Variants in ARID5B observed in about 807,000 individuals in gnomAD.
The protein encoded by ARID5B is AT-rich interactive domain-containing protein 5B.
Under a neutral mutation model 97.2 loss-of-function variants are expected in ARID5B, and 13 were observed. The observed-to-expected ratio is 0.13, with a 90% CI of 0.09 to 0.21. The LOEUF (loss-of-function observed/expected upper bound fraction) is 0.21, where lower values mean the gene tolerates loss of function less well. Ranked by LOEUF, ARID5B falls within the 10% of genes least tolerant of loss-of-function variation. The pLI, the probability that ARID5B is intolerant of heterozygous loss-of-function variation, is 1.00. For synonymous variants in ARID5B, 556 were observed against 570.3 expected (o/e 0.97, Z 0.36); for missense variants, 1,210 against 1,465.3 (o/e 0.83, Z 2.84).
chr10:61,939,431 C>A (rs1255981488), intron 2 of ARID5B, among the ~76,000 whole-genome samples: 1 of 152,128 alleles, frequency 6.6e-6, no homozygotes, highest in Non-Finnish European at 1.5e-5. Flanking sequence ...GCTTAACATT[C>A]AAATTTATGA....
At chr10:62,079,320 C>A (rs1840179370) in intron 8 of ARID5B, among the ~76,000 whole-genome samples, 1 of 152,148 alleles carries the variant, frequency 6.6e-6, no homozygotes, top group South Asian at 2.1e-4. Flanking sequence ...ATTGACTAGT[C>A]ACTTAATCGT....
At chr10:62,088,908 C>T (rs1262483609) in intron 9 of ARID5B, among the ~76,000 whole-genome samples, 2 of 152,182 alleles carry the variant, frequency 1.3e-5, no homozygotes, top group Non-Finnish European at 1.5e-5. Flanking sequence ...TAACATTTAA[C>T]ATACTAAGCA....
At chr10:61,917,313 G>A (rs1413420568) in intron 2 of ARID5B, among the ~76,000 whole-genome samples, 2 of 151,942 alleles carry the variant, frequency 1.3e-5, no homozygotes, top group Non-Finnish European at 2.9e-5. Context: ...GATTTTAGTT[G>A]ACCATTCTAT....
At position 61,940,200 on chromosome 10, in the gene ARID5B, T is replaced by A; in HGVS notation, c.294T>A (p.Val98=). The A allele has an allele frequency of 6.2e-7, 1 of 1,614,166 alleles. No homozygotes were observed. The highest frequency in any genetic ancestry group is 8.5e-7 in the Non-Finnish European group (1 of 1,179,982). Residue 98 remains valine (V), a synonymous_variant, in exon 3 of 10, where the codon GTT becomes GTA. Coordinates refer to ENST00000279873, the MANE Select transcript of ARID5B (RefSeq NM_032199.3). Reference sequence around the variant, plus strand: ...TCTTGTAGGATGAAGTCATTGCTGTTTCCGAAAAGGTGATTGTGAAGCTTG... The same window carrying A: ...TCTTGTAGGATGAAGTCATTGCTGTATCCGAAAAGGTGATTGTGAAGCTTG... ...SDHGEDEVIA[V]SEKVIVKLED... is the part of the protein sequence containing the mutation.
chr10:62,025,888 A>G (rs781544897), intron 4 of ARID5B, among the ~76,000 whole-genome samples: 1 of 152,186 alleles, frequency 6.6e-6, no homozygotes, highest in Non-Finnish European at 1.5e-5. Flanking sequence ...ATTTTGATAA[A>G]TATATTCCAA....
chr10:61,945,083 G>A (rs1480331922), intron 3 of ARID5B, among the ~76,000 whole-genome samples: 2 of 152,106 alleles, frequency 1.3e-5, no homozygotes, highest in African/African-American at 4.8e-5. Context: ...AAGAGCAGAG[G>A]GTGGGCTGTC....
In ARID5B at chr10:62,092,857, A is replaced by G. The variant is rs779922348; in HGVS notation, c.3394A>G (p.Thr1132Ala). 1.2e-6 allele frequency: 2 copies of G among 1,614,226 alleles called. No individual in the cohort carries two copies. Among genetic ancestry groups the G allele is most frequent in the Non-Finnish European group, 1.7e-6 (2 of 1,180,040 alleles). Residue 1132 changes from threonine (T) to alanine (A), a missense_variant, in exon 10 of 10, where the codon ACA (threonine) becomes GCA (alanine). By Grantham distance (58) the Thr-to-Ala change is moderately conservative (BLOSUM62 0). Coordinates refer to ENST00000279873, the MANE Select transcript of ARID5B (RefSeq NM_032199.3). Reference protein sequence around the residue: ...HSLVMQRGIFTSPTNSQQLYR... With the variant: ...HSLVMQRGIFASPTNSQQLYR... ...GCTTGTGATGCAAAGAGGAATTTTTACATCACCGACAAATTCTCAGCAGCT... is the reference window on the plus strand; with the variant it reads ...GCTTGTGATGCAAAGAGGAATTTTTGCATCACCGACAAATTCTCAGCAGCT...
intron 4 of ARID5B, among the ~76,000 whole-genome samples, chr10:62,039,319 T>C (rs17216393): frequency 0.021 from 3,194 of 152,352 alleles, 52 homozygotes; most frequent in Non-Finnish European, 0.032. Context: ...ATTGATTGCA[T>C]GTTTCATTGA....
At position 62,096,714 on chromosome 10, in the gene ARID5B, A is replaced by G. The variant is rs895501816; in HGVS notation, c.*3684A>G. On this transcript the variant is annotated 3_prime_UTR_variant, in exon 10 of 10. Transcript: ENST00000279873. The stretch of plus-strand genomic sequence containing the variant: ...GCAACATGGCCCAGTGATATTATAT[A>G]GTTTCCCAATGGAGAGGTTATTGAG... 2.6e-5 allele frequency: 6 copies of G among 233,480 alleles called. No homozygotes were observed. The Admixed American group carries it at 2.8e-4, about 11-fold the overall frequency. 14.5% of individuals were successfully genotyped at this position (233,480 alleles called of 1,614,324 possible). A position where few individuals can be genotyped will look rare whatever the true frequency, so the allele number is the denominator to read the frequency against.
intron 3 of ARID5B, among the ~76,000 whole-genome samples, chr10:61,980,678 A>G (rs1304325683): frequency 6.6e-6 from 1 of 152,196 alleles, no homozygotes; most frequent in African/African-American, 2.4e-5. Context: ...CTCTTACAAT[A>G]ATAGTAAGTG....
At chr10:61,928,686 G>A (rs2132780445) in intron 2 of ARID5B, among the ~76,000 whole-genome samples, 1 of 152,270 alleles carries the variant, frequency 6.6e-6, no homozygotes, top group Middle Eastern at 3.4e-3. Flanking sequence ...AGCAAGTTTA[G>A]CTTAATGAAG....
At chr10:61,973,516 T>A (rs1838658940) in intron 3 of ARID5B, among the ~76,000 whole-genome samples, 1 of 152,160 alleles carries the variant, frequency 6.6e-6, no homozygotes, top group Non-Finnish European at 1.5e-5. Context: ...TGGGGCTACA[T>A]TTGTTGCTCC....
intron 4 of ARID5B, among the ~76,000 whole-genome samples, chr10:62,027,809 C>T (rs935182043): frequency 4.6e-5 from 7 of 152,160 alleles, no homozygotes; most frequent in Non-Finnish European, 2.9e-5. Context: ...CTGGAGATCT[C>T]ACCTTAAACA....
At chr10:62,019,416 T>G (rs769941397) in intron 4 of ARID5B, among the ~76,000 whole-genome samples, 8 of 152,206 alleles carry the variant, frequency 5.3e-5, no homozygotes, top group Non-Finnish European at 1.0e-4. Context: ...GAACATGGCG[T>G]TTTTGTTGTT....
chr10:62,058,159 G>A (rs895327710), intron 6 of ARID5B, among the ~76,000 whole-genome samples: 5 of 152,140 alleles, frequency 3.3e-5, no homozygotes, highest in Non-Finnish European at 7.4e-5. Flanking sequence ...GAGAACACTC[G>A]CAGCCATTAT....
intron 3 of ARID5B, among the ~76,000 whole-genome samples, chr10:61,990,690 C>CATCT (rs1445778751): frequency 6.6e-6 from 1 of 151,434 alleles, no homozygotes; most frequent in Non-Finnish European, 1.5e-5. Flanking sequence ...ACCAAGCATG[C>CATCT]ATCTACACAG....
chr10:61,978,242 A>G (rs900003792), intron 3 of ARID5B, among the ~76,000 whole-genome samples: 3 of 152,186 alleles, frequency 2.0e-5, no homozygotes, highest in African/African-American at 4.8e-5. Context: ...TACCAGTACC[A>G]TGCTGTTTTG....
Position 62,093,516 on chromosome 10 carries a change from A to T in ARID5B, c.*486A>T. 4.2e-6 allele frequency: 1 copy of T among 237,196 alleles called. No individual in the cohort carries two copies. Among genetic ancestry groups the T allele is most frequent in the Non-Finnish European group, 8.3e-6 (1 of 120,616 alleles). 14.7% of individuals were successfully genotyped at this position (237,196 alleles called of 1,614,324 possible). ...AAACTTCAATAGATCTTTCATTTTG[A>T]CACTATTAAACAATCCAGAGAAGTA... On this transcript the variant is annotated 3_prime_UTR_variant, in exon 10 of 10. Coordinates refer to ENST00000279873, the MANE Select transcript of ARID5B (RefSeq NM_032199.3).
intron 2 of ARID5B, among the ~76,000 whole-genome samples, chr10:61,925,765 T>A (rs978796442): frequency 6.6e-5 from 10 of 152,224 alleles, no homozygotes. Context: ...AGGTTTTAGA[T>A]TAGTGTGTAT....
Sources: gnomAD v4.1 joint callset for allele counts (sites outside exome capture counted in the v4.1 genomes callset) on GRCh38, gnomAD v4.1.1 for gene constraint, MANE v1.5 for transcripts, NCBI Gene and HGNC (gene_info 2026-07-23, HGNC 2026-07-21) for gene names.